Variants in KCNQ2 observed in about 807,000 individuals in gnomAD.
The protein encoded by KCNQ2 is potassium voltage-gated channel subfamily Q member 2, also known as potassium voltage-gated channel subfamily KQT member 2.
In KCNQ2, 14 loss-of-function variants were observed where a neutral mutation model predicts 84.8. That is an observed-to-expected ratio of 0.17 (90% CI 0.11 to 0.26). The LOEUF (loss-of-function observed/expected upper bound fraction) is 0.26, where lower values mean the gene tolerates loss of function less well. Ranked by LOEUF, KCNQ2 falls within the 10% of genes least tolerant of loss-of-function variation. The probability of loss-of-function intolerance (pLI) is 1.00; values close to 1 mark genes in which losing one functional copy is unlikely to be tolerated. For missense variants in KCNQ2, 788 were observed against 1,254.0 expected (o/e 0.63, Z 5.61); for synonymous variants, 599 against 554.1 (o/e 1.08, Z -1.14).
rs2081103894 is a variant in KCNQ2, at chr20:63,439,711, G to A, written c.817-3C>T. 6.2e-7 allele frequency: 1 copy of A among 1,607,102 alleles called. No individual in the cohort carries two copies. The highest frequency in any genetic ancestry group is 1.3e-5 in the African/African-American group (1 of 74,930). ...TAGCCAATGGTGGTCAGCGTGATCT[G>A]TGGGACCGCAGGCTCTAGTCACACG... On this transcript the variant is annotated splice_region_variant and splice_polypyrimidine_tract_variant and intron_variant, in intron 5 of 16. Transcript: ENST00000359125.
chr20:63,463,946 A>C (rs1237350596), intron 1 of KCNQ2: 7 of 151,934 alleles, frequency 4.6e-5, no homozygotes, highest in Admixed American at 2.0e-4. Context: ...GCCCCCACTG[A>C]GATGATTCAG....
intron 15 of KCNQ2, among the ~76,000 whole-genome samples, chr20:63,410,379 C>A (rs571346123): frequency 6.6e-6 from 1 of 152,336 alleles, no homozygotes; most frequent in Non-Finnish European, 1.5e-5. Context: ...GACTTGATCC[C>A]TGAGTGCTCA....
chr20:63,442,977 TCAC>T (rs201665157), intron 4 of KCNQ2, among the ~76,000 whole-genome samples: 12,344 of 29,308 alleles, frequency 0.42, 1,761 homozygotes, highest in Middle Eastern at 0.46. Context: ...ACCACCACCA[TCAC>T]CACCATTACC....
chr20:63,458,266 C>A (rs1350469169), intron 1 of KCNQ2, among the ~76,000 whole-genome samples: 5 of 152,140 alleles, frequency 3.3e-5, no homozygotes, highest in Admixed American at 6.5e-5. Context: ...TGTGGAGAAG[C>A]TGGGTGGGAA....
intron 5 of KCNQ2, among the ~76,000 whole-genome samples, chr20:63,440,826 G>A (rs571405055): frequency 6.6e-6 from 1 of 152,172 alleles, no homozygotes; most frequent in African/African-American, 2.4e-5. Context: ...GGAGCGCACA[G>A]GAGACTCTGG....
Position 63,470,380 on chromosome 20 carries a change from G to A in KCNQ2, c.296+1788C>T, listed in dbSNP as rs371893245. ...TGCTGCTCTATCTTAGAGGGGGCCC[G>A]TCCGGACTGGGGGTGGTCAGGAAGA... On this transcript the variant is annotated intron_variant, in intron 1 of 16. Coordinates refer to ENST00000359125, the MANE Select transcript of KCNQ2 (RefSeq NM_172107.4). Among the ~76,000 whole-genome samples, 186 of 152,320 alleles carry A rather than the reference G, an allele frequency of 1.2e-3. 1 individual carries two copies. Among genetic ancestry groups the A allele is most frequent in the African/African-American group, 4.2e-3 (173 of 41,560 alleles).
intron 4 of KCNQ2, chr20:63,443,740 G>C (rs528044912): frequency 6.6e-6 from 1 of 152,310 alleles, no homozygotes; most frequent in African/African-American, 2.4e-5. Flanking sequence ...CCACGCCAGG[G>C]TCGGTGGCAG....
intron 9 of KCNQ2, among the ~76,000 whole-genome samples, chr20:63,430,536 T>C (rs991433253): frequency 6.6e-6 from 1 of 152,042 alleles, no homozygotes; most frequent in Non-Finnish European, 1.5e-5. Flanking sequence ...CTGGTCTATG[T>C]GGGGAGTGGC....
intron 1 of KCNQ2, among the ~76,000 whole-genome samples, chr20:63,449,615 G>A (rs2081545707): frequency 6.6e-6 from 1 of 152,342 alleles, no homozygotes; most frequent in Non-Finnish European, 1.5e-5. Context: ...CGGCTTCACT[G>A]TCTTGTGGGA....
At chr20:63,442,338 C>G (rs779384623) in intron 5 of KCNQ2, 68 bp downstream of exon 5, 11 of 1,611,696 alleles carry the variant, frequency 6.8e-6, no homozygotes, top group African/African-American at 1.3e-5. Context: ...CCAGTGAGAG[C>G]CTGGTCCCAG....
Position 63,406,349 on chromosome 20 carries a change from G to C in KCNQ2, c.*295C>G, listed in dbSNP as rs34690549. The C allele has an allele frequency of 5.0e-6, 2 of 398,600 alleles. No individual in the cohort carries two copies. Among genetic ancestry groups the C allele is most frequent in the Non-Finnish European group, 9.2e-6 (2 of 218,222 alleles). The allele number at this position is 398,600 out of a possible 1,614,324, so 24.7% of individuals were successfully genotyped here. A position where few individuals can be genotyped will look rare whatever the true frequency, so the allele number is the denominator to read the frequency against. ...CATCACTCCCGCCCCTCCTCACACC[G>C]GGCTGATGTCGGCCGCGGCCCTGAG... On this transcript the variant is annotated 3_prime_UTR_variant, in exon 17 of 17. Transcript: ENST00000359125.
chr20:63,433,414 T>G lies in KCNQ2; in HGVS notation c.1118+395A>C, dbSNP rs1009855337. The stretch of plus-strand genomic sequence containing the variant: ...AGGTCCTTGATGGGGGACGGGGTCA[T>G]GGTACTGGTTCCACTCTTGAAGCTT... On this transcript the variant is annotated intron_variant, in intron 8 of 16. Coordinates refer to ENST00000359125, the MANE Select transcript of KCNQ2 (RefSeq NM_172107.4). 9.3e-5 allele frequency: 36 copies of G among 386,694 alleles called. 1 individual carries two copies. The highest frequency in any genetic ancestry group is 2.1e-5 in the African/African-American group (1 of 48,238). The allele number at this position is 386,694 out of a possible 1,614,324, so 24.0% of individuals were successfully genotyped here. A position where few individuals can be genotyped will look rare whatever the true frequency, so the allele number is the denominator to read the frequency against.
chr20:63,431,465 G>A, intron 8 of KCNQ2, 96 bp from the exon 9 acceptor site: 3 of 1,371,876 alleles, frequency 2.2e-6, no homozygotes, highest in Non-Finnish European at 3.1e-6. Context: ...GTTGAGGAAA[G>A]TAGGGGAAAC....
chr20:63,449,963 G>A (rs1046827940), intron 1 of KCNQ2, among the ~76,000 whole-genome samples: 8 of 151,648 alleles, frequency 5.3e-5, no homozygotes, highest in African/African-American at 1.9e-4. Context: ...ACCCCGTCCC[G>A]CACCATCAGT....
chr20:63,433,965 G>A lies in KCNQ2; in HGVS notation c.1024-62C>T, dbSNP rs1007915458. On this transcript the variant is annotated intron_variant, in intron 7 of 16. Coordinates refer to ENST00000359125, the MANE Select transcript of KCNQ2 (RefSeq NM_172107.4). Reference sequence around the variant, plus strand: ...GGCGGCGAGGGGCGCGCCCAGGAGGGCCGGGCGTGGAGGGAACGGGGCAGA... The same window carrying A: ...GGCGGCGAGGGGCGCGCCCAGGAGGACCGGGCGTGGAGGGAACGGGGCAGA... The A allele has an allele frequency of 1.3e-5, 20 of 1,481,846 alleles. No individual in the cohort carries two copies. The African/African-American group carries it at 2.8e-4, about 21-fold the overall frequency. 91.8% of individuals were successfully genotyped at this position (1,481,846 alleles called of 1,614,324 possible). A position where few individuals can be genotyped will look rare whatever the true frequency, so the allele number is the denominator to read the frequency against.
intron 5 of KCNQ2, 130 bp from the exon 6 acceptor site, chr20:63,439,838 G>T (rs1029351008): frequency 1.1e-5 from 8 of 740,604 alleles, no homozygotes; most frequent in Non-Finnish European, 1.9e-5. Flanking sequence ...CCATCCACAC[G>T]GAGGCCCAGT....
At chr20:63,419,794 C>T (rs992022488) in intron 11 of KCNQ2, 122 bp from the exon 12 acceptor site, 54 of 884,920 alleles carry the variant, frequency 6.1e-5, no homozygotes, top group East Asian at 5.3e-5. Flanking sequence ...GCAGAGCTTG[C>T]GCCCAAGCAA....
chr20:63,432,134 A>ACCC (rs2080821314), intron 8 of KCNQ2, among the ~76,000 whole-genome samples: 1 of 32,850 alleles, frequency 3.0e-5, no homozygotes, highest in Non-Finnish European at 6.4e-5. Context: ...TCAGGGAAGG[A>ACCC]TCCACCCACA....
chr20:63,443,369 A>T, intron 4 of KCNQ2, among the ~76,000 whole-genome samples: 1 of 140,686 alleles, frequency 7.1e-6, no homozygotes, highest in South Asian at 2.3e-4. Flanking sequence ...CATCACCATC[A>T]TCACCACCAT....
Sources: gnomAD v4.1 joint callset for allele counts (sites outside exome capture counted in the v4.1 genomes callset) on GRCh38, gnomAD v4.1.1 for gene constraint, MANE v1.5 for transcripts, NCBI Gene and HGNC (gene_info 2026-07-23, HGNC 2026-07-21) for gene names.